CSMD1: variants seen among roughly 807,000 people sequenced by gnomAD.
CSMD1 encodes the protein CUB and sushi domain-containing protein 1.
Under a neutral mutation model 417.5 loss-of-function variants are expected in CSMD1, and 213 were observed. That is an observed-to-expected ratio of 0.51 (90% CI 0.46 to 0.57). CSMD1 has a LOEUF of 0.57. Among genes scored for constraint, CSMD1 ranks in the 20% least tolerant of loss-of-function variants. CSMD1 has a pLI of 0.00. For synonymous variants in CSMD1, 2,862 were observed against 1,736.8 expected (o/e 1.65, Z -16.11); for missense variants, 6,923 against 4,529.7 (o/e 1.53, Z -15.17).
rs73660887 is a variant in CSMD1 at position 4,511,196 on chromosome 8, C to G, written c.303-91131G>C. ...TAGCAAGCCTGCAATAGTCATCAGT[C>G]CATGTACAGATCCATTTTTAACCTG... On this transcript the variant is annotated intron_variant, in intron 2 of 69. Transcript: ENST00000635120. Among the ~76,000 whole-genome samples, 411 of 152,198 alleles carry G rather than the reference C, an allele frequency of 2.7e-3. 4 individuals carry two copies. The highest frequency in any genetic ancestry group is 9.5e-3 in the African/African-American group (395 of 41,544).
At chr8:3,549,374 C>A (rs1798813170) in intron 10 of CSMD1, among the ~76,000 whole-genome samples, 2 of 152,168 alleles carry the variant, frequency 1.3e-5, no homozygotes, top group Admixed American at 1.3e-4. Flanking sequence ...ATAGACAGAT[C>A]TAGGCCTTAT....
At chr8:4,373,913 T>G (rs1008532417) in intron 3 of CSMD1, among the ~76,000 whole-genome samples, 4 of 152,192 alleles carry the variant, frequency 2.6e-5, no homozygotes, top group African/African-American at 9.7e-5. Flanking sequence ...AAATGAAAAT[T>G]TCCCCTTTCT....
rs564885379 is a variant in CSMD1 at position 4,169,559 on chromosome 8, C to G, written c.416-137460G>C. ...CAGCCTCCAAACTCATGTTACTTTTCTCATATTTTGCTCTTCTCAACACAG... is the reference window on the plus strand; with the variant it reads ...CAGCCTCCAAACTCATGTTACTTTTGTCATATTTTGCTCTTCTCAACACAG... On this transcript the variant is annotated intron_variant, in intron 3 of 69. Coordinates refer to ENST00000635120, the MANE Select transcript of CSMD1 (RefSeq NM_033225.6). Among the ~76,000 whole-genome samples the G allele has an allele frequency of 2.0e-4, 31 of 152,252 alleles. 1 individual carries two copies. Among genetic ancestry groups the G allele is most frequent in the African/African-American group, 7.0e-4 (29 of 41,526 alleles).
At chr8:4,826,252 T>C (rs1799819062) in intron 1 of CSMD1, among the ~76,000 whole-genome samples, 1 of 152,004 alleles carries the variant, frequency 6.6e-6, no homozygotes, top group African/African-American at 2.4e-5. Flanking sequence ...CATTGACAGA[T>C]GAACATATAA....
chr8:3,298,525 C>G (rs111409189), intron 25 of CSMD1, among the ~76,000 whole-genome samples: 84 of 152,334 alleles, frequency 5.5e-4, no homozygotes, highest in African/African-American at 1.9e-3. Flanking sequence ...ATGATCGTGG[C>G]TCACTGCAAC....
chr8:3,979,678 C>G (rs915415727), intron 5 of CSMD1, among the ~76,000 whole-genome samples: 8 of 152,102 alleles, frequency 5.3e-5, no homozygotes, highest in African/African-American at 1.9e-4. Flanking sequence ...CAGGTGCCAT[C>G]TATGAGCCAG....
At chr8:3,276,116 G>A (rs1000161692) in intron 26 of CSMD1, among the ~76,000 whole-genome samples, 1 of 152,150 alleles carries the variant, frequency 6.6e-6, no homozygotes, top group Non-Finnish European at 1.5e-5. Context: ...TGGTGTGGAT[G>A]TCATTTCTGT....
At chr8:4,441,285 TG>T (rs1798465367) in intron 2 of CSMD1, among the ~76,000 whole-genome samples, 1 of 110,638 alleles carries the variant, frequency 9.0e-6, no homozygotes, top group Non-Finnish European at 1.8e-5. Flanking sequence ...TTTTTTTTGG[TG>T]GGGGGAGTAG....
chr8:3,404,918 C>G (rs1414701487), intron 15 of CSMD1, among the ~76,000 whole-genome samples: 1 of 152,010 alleles, frequency 6.6e-6, no homozygotes, highest in Admixed American at 6.6e-5. Flanking sequence ...CTCTTCACTG[C>G]TATAAATAGT....
intron 5 of CSMD1, among the ~76,000 whole-genome samples, chr8:3,990,995 A>G (rs1370192131): frequency 6.6e-6 from 1 of 152,136 alleles, no homozygotes; most frequent in Non-Finnish European, 1.5e-5. Flanking sequence ...TTGCAAAAAC[A>G]CACCTGACAA....
At chr8:3,534,536 GAA>G (rs1200878098) in intron 10 of CSMD1, among the ~76,000 whole-genome samples, 1 of 141,340 alleles carries the variant, frequency 7.1e-6, no homozygotes, top group Non-Finnish European at 1.6e-5. Flanking sequence ...AAAAAAAAAA[GAA>G]AAACTTTTCA....
chr8:4,733,923 G>C (rs944982833), intron 1 of CSMD1, among the ~76,000 whole-genome samples: 1 of 152,132 alleles, frequency 6.6e-6, no homozygotes, highest in East Asian at 1.9e-4. Flanking sequence ...GACAAGGATA[G>C]CATTTATGGT....
intron 8 of CSMD1, among the ~76,000 whole-genome samples, chr8:3,613,629 T>C (rs755499129): frequency 2.0e-4 from 30 of 151,342 alleles, no homozygotes; most frequent in Non-Finnish European, 4.1e-4. Context: ...ATTCACAAAA[T>C]ATACAAACAA....
At chr8:4,959,111 T>C (rs571269285) in intron 1 of CSMD1, among the ~76,000 whole-genome samples, 3 of 152,326 alleles carry the variant, frequency 2.0e-5, no homozygotes, top group Admixed American at 1.3e-4. Context: ...TTAGTTTTAA[T>C]ATAGATTTTT....
At chr8:3,996,418 A>G (rs1166723666) in intron 5 of CSMD1, among the ~76,000 whole-genome samples, 1 of 149,130 alleles carries the variant, frequency 6.7e-6, no homozygotes, top group African/African-American at 2.5e-5. Context: ...TGTACTAAAG[A>G]GATGCTTAAT....
intron 2 of CSMD1, among the ~76,000 whole-genome samples, chr8:4,601,266 T>A (rs767745142): frequency 1.3e-5 from 2 of 152,128 alleles, no homozygotes; most frequent in African/African-American, 4.8e-5. Context: ...AGATTTTTTT[T>A]AAAAAGCATG....
intron 7 of CSMD1, among the ~76,000 whole-genome samples, chr8:3,618,848 G>A (rs1033261702): frequency 6.6e-6 from 1 of 152,178 alleles, no homozygotes; most frequent in Non-Finnish European, 1.5e-5. Context: ...AGAGGAAGCG[G>A]CCCAGTGACC....
At chr8:3,722,923 G>GTA (rs397774133) in intron 6 of CSMD1, among the ~76,000 whole-genome samples, 2 of 151,908 alleles carry the variant, frequency 1.3e-5, no homozygotes, top group Non-Finnish European at 2.9e-5. Flanking sequence ...TTGTGTGTGT[G>GTA]CCAGTTTTTC....
rs997708509 is a variant in CSMD1 at position 4,839,225 on chromosome 8, C to A, written c.85+155107G>T. Reference sequence around the variant, plus strand: ...TGAGTCACTCTGAATATGCAAACTTCCTTTTAATAAAACCACCTAACTTCA... The same window carrying A: ...TGAGTCACTCTGAATATGCAAACTTACTTTTAATAAAACCACCTAACTTCA... On this transcript the variant is annotated intron_variant, in intron 1 of 69. Transcript: ENST00000635120. Among the ~76,000 whole-genome samples the A allele has an allele frequency of 7.9e-5, 12 of 152,282 alleles. No individual in the cohort carries two copies. In the East Asian group the frequency reaches 1.9e-3, roughly 25 times the overall value.
Sources: gnomAD v4.1 joint callset for allele counts (sites outside exome capture counted in the v4.1 genomes callset) on GRCh38, gnomAD v4.1.1 for gene constraint, MANE v1.5 for transcripts, NCBI Gene and HGNC (gene_info 2026-07-23, HGNC 2026-07-21) for gene names.